The following CHD9 variants were observed in gnomAD, a reference collection of about 807,000 sequenced individuals.
CHD9 encodes ATP-dependent chromatin remodeler CHD9.
CHD9 carries 77 observed loss-of-function variants against 316.1 expected under a neutral mutation model. That is an observed-to-expected ratio of 0.24 (90% confidence interval 0.20 to 0.29). The LOEUF is 0.29. Ranked by LOEUF, CHD9 falls within the 10% of genes least tolerant of loss-of-function variation. CHD9 has a pLI of 1.00. For missense variants in CHD9, 2,763 were observed against 3,438.1 expected (o/e 0.80, Z 4.91); for synonymous variants, 1,129 against 1,158.3 (o/e 0.97, Z 0.51).
intron 1 of CHD9, among the ~76,000 whole-genome samples, chr16:53,117,390 A>C (rs1403198095): frequency 6.7e-6 from 1 of 150,086 alleles, no homozygotes; most frequent in East Asian, 1.9e-4. Flanking sequence ...AGCCACAGAC[A>C]TTCAGTTCTC....
intron 2 of CHD9, among the ~76,000 whole-genome samples, chr16:53,188,452 A>T (rs2044209187): frequency 6.6e-6 from 1 of 151,658 alleles, no homozygotes; most frequent in Non-Finnish European, 1.5e-5. Flanking sequence ...TAAGGGTTCC[A>T]ATTTTTCCAT....
intron 1 of CHD9, among the ~76,000 whole-genome samples, chr16:53,140,425 A>T (rs2040022066): frequency 6.6e-6 from 1 of 151,974 alleles, no homozygotes; most frequent in Non-Finnish European, 1.5e-5. Context: ...TCAAAAAAAA[A>T]AAAAAAAAGA....
At chr16:53,103,881 C>T (rs1403640089) in intron 1 of CHD9, among the ~76,000 whole-genome samples, 2 of 152,166 alleles carry the variant, frequency 1.3e-5, no homozygotes, top group South Asian at 2.1e-4. Context: ...GGCAGCTACT[C>T]GGGCTTAAAA....
intron 1 of CHD9, among the ~76,000 whole-genome samples, chr16:53,082,086 G>C (rs1190125085): frequency 3.3e-5 from 5 of 152,166 alleles, no homozygotes; most frequent in African/African-American, 1.2e-4. Context: ...CTCAGGCTCT[G>C]TGCTTTAACC....
At chr16:53,068,405 C>A (rs1047415350) in intron 1 of CHD9, among the ~76,000 whole-genome samples, 60 of 152,278 alleles carry the variant, frequency 3.9e-4, no homozygotes, top group Non-Finnish European at 7.6e-4. Flanking sequence ...TTCTCTTCCC[C>A]GCCGATCCAG....
intron 3 of CHD9, among the ~76,000 whole-genome samples, chr16:53,210,165 T>C (rs1041775165): frequency 6.6e-6 from 1 of 152,162 alleles, no homozygotes; most frequent in Non-Finnish European, 1.5e-5. Flanking sequence ...AGAGCATGCA[T>C]TGAAATTCTT....
intron 1 of CHD9, among the ~76,000 whole-genome samples, chr16:53,145,897 T>C (rs1333181534): frequency 1.3e-5 from 2 of 152,088 alleles, no homozygotes; most frequent in Non-Finnish European, 2.9e-5. Flanking sequence ...AGGAAAGATA[T>C]TCTGACACAT....
chr16:53,285,566 T>G, intron 24 of CHD9, 30 bp from the exon 25 acceptor site: 1 of 1,420,324 alleles, frequency 7.0e-7, no homozygotes, highest in Non-Finnish European at 9.7e-7. Flanking sequence ...TTATAATAAT[T>G]CATAATGCCA....
intron 1 of CHD9, among the ~76,000 whole-genome samples, chr16:53,057,589 A>G (rs1055229239): frequency 6.6e-6 from 1 of 151,834 alleles, no homozygotes; most frequent in Admixed American, 6.6e-5. Flanking sequence ...GGGAGGTGGA[A>G]GTTGCAGTGA....
chr16:53,246,208 T>G (rs1473802450), intron 15 of CHD9, among the ~76,000 whole-genome samples: 1 of 152,220 alleles, frequency 6.6e-6, no homozygotes. Flanking sequence ...TCAATTCTTG[T>G]GCTGTAATAA....
chr16:53,195,797 C>G (rs1056950137), intron 2 of CHD9, among the ~76,000 whole-genome samples: 1 of 144,088 alleles, frequency 6.9e-6, no homozygotes, highest in Non-Finnish European at 1.5e-5. Flanking sequence ...GGGTCTCGCT[C>G]TGTCATCTAG....
In CHD9 at chr16:53,307,664, G is replaced by T. The variant is rs1443799040; in HGVS notation, c.6781-17G>T. The T allele has an allele frequency of 1.3e-6, 2 of 1,579,130 alleles. No homozygotes were observed. Among genetic ancestry groups the T allele is most frequent in the Admixed American group, 3.7e-5 (2 of 54,320 alleles). On this transcript the variant is annotated splice_polypyrimidine_tract_variant and intron_variant, in intron 32 of 38. Transcript: ENST00000447540. ...CTAATTATTAAAATTACACTTTGAT[G>T]TTGCACGCTTTTCTAGGATCGTGTG... is the stretch of plus-strand genomic sequence containing the variant.
intron 35 of CHD9, 71 bp downstream of exon 35, chr16:53,314,587 G>A: frequency 7.9e-7 from 1 of 1,266,234 alleles, no homozygotes; most frequent in East Asian, 2.6e-5. Flanking sequence ...ACATATTATT[G>A]TTTTGTGAAT....
intron 2 of CHD9, among the ~76,000 whole-genome samples, chr16:53,160,518 G>GT (rs908290365): frequency 1.5e-4 from 22 of 148,946 alleles, no homozygotes; most frequent in Admixed American, 4.0e-4. Context: ...TTTTGTTTCA[G>GT]TTTTTTTTTT....
rs576194568 is a variant in CHD9 at position 53,182,368 on chromosome 16, T to TA, written c.1452+24833dup. 2.6e-5 allele frequency among the ~76,000 whole-genome samples: 4 copies of TA among 152,246 alleles called. No individual in the cohort carries two copies. The South Asian group carries it at 8.3e-4, about 32-fold the overall frequency. ...TGCCACCACATCCAGCTGATTTTTT[T>TA]AAAAAATTTGTGGAGATGGGGGTCT... On this transcript the variant is annotated intron_variant, in intron 2 of 38. Coordinates refer to ENST00000447540, the MANE Select transcript of CHD9 (RefSeq NM_001308319.2).
intron 1 of CHD9, among the ~76,000 whole-genome samples, chr16:53,147,932 G>A (rs954283419): frequency 1.3e-5 from 2 of 152,066 alleles, no homozygotes; most frequent in East Asian, 3.9e-4. Flanking sequence ...GGCCAGGCGC[G>A]GTGGCCCATG....
At chr16:53,145,849 G>T (rs1442891075) in intron 1 of CHD9, among the ~76,000 whole-genome samples, 2 of 151,914 alleles carry the variant, frequency 1.3e-5, no homozygotes, top group South Asian at 2.1e-4. Flanking sequence ...ATCGTACGTG[G>T]GCCATAATAT....
intron 1 of CHD9, among the ~76,000 whole-genome samples, chr16:53,123,949 T>A (rs1335398429): frequency 2.6e-5 from 4 of 152,216 alleles, no homozygotes; most frequent in African/African-American, 9.6e-5. Context: ...TTTTTATGGC[T>A]GAATAACATT....
chr16:53,289,945 A>C (rs2153049643), intron 27 of CHD9, among the ~76,000 whole-genome samples: 1 of 152,326 alleles, frequency 6.6e-6, no homozygotes, highest in East Asian at 1.9e-4. Context: ...GAGGGAGGTT[A>C]CTGGGAAAAG....
Sources: gnomAD v4.1 joint callset for allele counts (sites outside exome capture counted in the v4.1 genomes callset) on GRCh38, gnomAD v4.1.1 for gene constraint, MANE v1.5 for transcripts, NCBI Gene and HGNC (gene_info 2026-07-23, HGNC 2026-07-21) for gene names.